The following NISCH variants were observed in gnomAD, a reference collection of about 807,000 sequenced individuals.
NISCH encodes I-1 receptor candidate protein.
In NISCH, 55 loss-of-function variants were observed where a neutral mutation model predicts 138.4. The observed-to-expected ratio is 0.40, with a 90% confidence interval of 0.32 to 0.50. The LOEUF (loss-of-function observed/expected upper bound fraction) is 0.50. Ranked by LOEUF, NISCH falls within the 20% of genes least tolerant of loss-of-function variation. The pLI is 0.71. For synonymous variants in NISCH, 860 were observed against 861.5 expected (o/e 1.00, Z 0.03); for missense variants, 1,643 against 2,005.5 (o/e 0.82, Z 3.45).
chr3:52,486,250 G>A (rs753691475), intron 15 of NISCH, among the ~76,000 whole-genome samples: 55 of 151,734 alleles, frequency 3.6e-4, no homozygotes, highest in Admixed American at 1.2e-3. Flanking sequence ...TGAGTAGCCC[G>A]GACCACAGGC....
chr3:52,460,346 T>C (rs1706598595), intron 3 of NISCH, among the ~76,000 whole-genome samples: 1 of 151,694 alleles, frequency 6.6e-6, no homozygotes, highest in South Asian at 2.1e-4. Flanking sequence ...CAGCAGACAC[T>C]GTCTCAAAAA....
In NISCH at chr3:52,491,947, A is replaced by G. The variant is rs768036607; in HGVS notation, c.3980A>G (p.Asp1327Gly). ...FTYPSEEEIGDLTFTVAQKMA... is the reference protein window; with the variant it reads ...FTYPSEEEIGGLTFTVAQKMA... ...TACCCCAGTGAGGAGGAGATTGGGG[A>G]CCTGACGTTCACTGTGGCCCAAAAG... Residue 1327 changes from aspartate (D) to glycine (G), a missense_variant, in exon 21 of 21, where the codon GAC becomes GGC. Physicochemically the swap from Asp to Gly is moderately conservative, Grantham distance 94. Transcript: ENST00000345716. 1.9e-6 allele frequency: 3 copies of G among 1,613,544 alleles called. No individual in the cohort carries two copies. The Admixed American group carries it at 5.0e-5, about 27-fold the overall frequency.
chr3:52,482,514 C>T (rs949890897), intron 13 of NISCH, among the ~76,000 whole-genome samples: 1 of 152,222 alleles, frequency 6.6e-6, no homozygotes, highest in South Asian at 2.1e-4. Flanking sequence ...GCTGTGGGAC[C>T]TCAAGCAACT....
Position 52,487,489 on chromosome 3 carries a change from A to G in NISCH, c.1997A>G (p.Glu666Gly). The change falls in exon 16 of 21, where the codon GAG (glutamate) becomes GGG (glycine). Residue 666 changes from glutamate to glycine, a missense_variant. By Grantham distance (98) the Glu-to-Gly change is moderately conservative. Coordinates refer to ENST00000345716, the MANE Select transcript of NISCH (RefSeq NM_007184.4). This position sits in a 1 kb window ranked among gnomAD's most constrained non-coding sequence, Gnocchi z 9.1. The stretch of plus-strand genomic sequence containing the variant: ...GGGCCCCCAGACGTGGAGGAGGAGG[A>G]GGGAGGAGGCCAGGGGGAGGAAGAG... ...EMGPPDVEEE[E>G]GGGQGEEEEE... The G allele has an allele frequency of 6.3e-7, 1 of 1,597,286 alleles. No homozygotes were observed. Among genetic ancestry groups the G allele is most frequent in the Non-Finnish European group, 8.6e-7 (1 of 1,168,442 alleles).
chr3:52,463,937 G>T (rs1706707814), intron 3 of NISCH, among the ~76,000 whole-genome samples: 1 of 150,646 alleles, frequency 6.6e-6, no homozygotes, highest in Admixed American at 6.6e-5. Context: ...ATGTCGGCCA[G>T]GATGGTCTCG....
At chr3:52,469,436 A>C (rs570654402) in intron 3 of NISCH, among the ~76,000 whole-genome samples, 1 of 152,264 alleles carries the variant, frequency 6.6e-6, no homozygotes, top group African/African-American at 2.4e-5. Flanking sequence ...GCGCTTGTCC[A>C]CCTCAGGTTG....
chr3:52,479,925 G>A (rs920294717), intron 12 of NISCH, 63 bp downstream of exon 12: 8 of 1,291,014 alleles, frequency 6.2e-6, no homozygotes, highest in African/African-American at 2.9e-5. Flanking sequence ...GAGCCAGTTT[G>A]GGGGGCTTGG....
At position 52,480,216 on chromosome 3, in the gene NISCH, C is replaced by T; in HGVS notation, c.1449C>T (p.Pro483=). The T allele has an allele frequency of 1.2e-6, 2 of 1,613,978 alleles. No homozygotes were observed. The highest frequency in any genetic ancestry group is 1.3e-5 in the African/African-American group (1 of 75,044). The change falls in exon 13 of 21, where the codon CCC becomes CCT. Residue 483 remains proline, a synonymous_variant. Transcript: ENST00000345716. ...GGEDSRLSAA[P]CIRPSSSPPT... The stretch of plus-strand genomic sequence containing the variant: ...AAGACTCCCGGCTCTCAGCTGCCCC[C>T]TGCATCAGACCCAGCAGCTCCCCTC...
At position 52,487,098 on chromosome 3, in the gene NISCH, C is replaced by T; in HGVS notation, c.1704-98C>T. The T allele has an allele frequency of 1.4e-6, 2 of 1,423,686 alleles. No individual in the cohort carries two copies. The highest frequency in any genetic ancestry group is 1.9e-6 in the Non-Finnish European group (2 of 1,056,726). The allele number at this position is 1,423,686 out of a possible 1,614,324, so 88.2% of individuals were successfully genotyped here. On this transcript the variant is annotated intron_variant, in intron 15 of 20. Transcript: ENST00000345716. The surrounding 1 kb of genome is among the most constrained non-coding windows in gnomAD (Gnocchi z 9.1). ...GCTTGGGAGACCCATGGGTTGGTTT[C>T]TCAGGGTCAGGGTGTAGCAGTGGGC...
At chr3:52,481,784 T>C in intron 13 of NISCH, 1 of 985,492 alleles carries the variant, frequency 1.0e-6, no homozygotes, top group Non-Finnish European at 1.2e-6. Context: ...CTCAGCCCCC[T>C]CCTCACTCCC....
chr3:52,459,178 T>G (rs1321548826), intron 3 of NISCH, among the ~76,000 whole-genome samples: 3 of 152,206 alleles, frequency 2.0e-5, no homozygotes, highest in Non-Finnish European at 2.9e-5. Flanking sequence ...GATAGACTAT[T>G]GTTGAGTTGT....
rs1707094794 is a variant in NISCH, at chr3:52,476,279, T to C, written c.766-168T>C. Reference sequence around the variant, plus strand: ...TGGTAAATTGTTCAGCTTTGAACGATTTCACAATCGTTTAAAGACATAGGA... The same window carrying C: ...TGGTAAATTGTTCAGCTTTGAACGACTTCACAATCGTTTAAAGACATAGGA... On this transcript the variant is annotated intron_variant, in intron 7 of 20. Transcript: ENST00000345716. The C allele has an allele frequency of 2.7e-5, 19 of 703,934 alleles. No individual in the cohort carries two copies. The South Asian group carries it at 3.0e-4, about 11-fold the overall frequency. 43.6% of individuals were successfully genotyped at this position (703,934 alleles called of 1,614,324 possible). A position where few individuals can be genotyped will look rare whatever the true frequency, so the allele number is the denominator to read the frequency against.
rs985304545 is a variant in NISCH, at chr3:52,471,369, C to T, written c.410-445C>T. 1.9e-4 allele frequency: 53 copies of T among 277,190 alleles called. 1 individual carries two copies. The highest frequency in any genetic ancestry group is 9.5e-4 in the African/African-American group (43 of 45,372). 17.2% of individuals were successfully genotyped at this position (277,190 alleles called of 1,614,324 possible). A position where few individuals can be genotyped will look rare whatever the true frequency, so the allele number is the denominator to read the frequency against. On this transcript the variant is annotated intron_variant, in intron 4 of 20. Transcript: ENST00000345716. ...GGGCACATGGCTGGGAGGAGTGGAG[C>T]GAGGACCAAGCAGCAGTCAGTTGGG...
chr3:52,474,442 G>A (rs1435023226), intron 7 of NISCH, among the ~76,000 whole-genome samples: 1 of 151,980 alleles, frequency 6.6e-6, no homozygotes, highest in African/African-American at 2.4e-5. Flanking sequence ...GACTACAGGT[G>A]CCCGCCACCA....
At chr3:52,476,690 C>T (rs767612256) in intron 8 of NISCH, 91 bp downstream of exon 8, 13 of 1,298,320 alleles carry the variant, frequency 1.0e-5, no homozygotes, top group South Asian at 3.7e-5. Flanking sequence ...GGAAGGACCA[C>T]GGAAAACCTA....
chr3:52,457,890 G>C lies in NISCH; in HGVS notation c.141G>C (p.Lys47Asn). Residue 47 changes from lysine to asparagine, a missense_variant, in exon 2 of 21, where the codon AAG becomes AAC. By Grantham distance (94) the Lys-to-Asn change is moderately conservative. Transcript: ENST00000345716. ...VTDGSHEWTVKHRYSDFHDLH... is the reference protein window; with the variant it reads ...VTDGSHEWTVNHRYSDFHDLH... ...ATGGCAGCCATGAGTGGACAGTAAA[G>C]CACCGCTACAGCGACTTCCATGACC... 1 of 1,612,210 alleles carries C rather than the reference G, an allele frequency of 6.2e-7. No homozygotes were observed. The highest frequency in any genetic ancestry group is 8.5e-7 in the Non-Finnish European group (1 of 1,178,376).
At chr3:52,478,427 G>T (rs758856268) in intron 10 of NISCH, 22 bp from the exon 11 acceptor site, 1 of 1,614,152 alleles carries the variant, frequency 6.2e-7, no homozygotes, top group Middle Eastern at 1.6e-4. Context: ...GGACCAAAGG[G>T]GATGGAACTC....
At chr3:52,468,448 A>G (rs1378612109) in intron 3 of NISCH, among the ~76,000 whole-genome samples, 1 of 152,070 alleles carries the variant, frequency 6.6e-6, no homozygotes, top group East Asian at 1.9e-4. Flanking sequence ...AGCAGGGAGG[A>G]TTGCGAAGTA....
In NISCH at chr3:52,491,915, G is replaced by A; in HGVS notation, c.3948G>A (p.Lys1316=). Residue 1316 remains lysine (K), a synonymous_variant, in exon 21 of 21, where the codon AAG becomes AAA. Coordinates refer to ENST00000345716, the MANE Select transcript of NISCH (RefSeq NM_007184.4). ...NYELIHSSRV[K]FTYPSEEEIG... ...AGCTGATCCACTCTAGTCGCGTCAA[G>A]TTTACCTACCCCAGTGAGGAGGAGA... 5 of 1,612,380 alleles carry A rather than the reference G, an allele frequency of 3.1e-6. No homozygotes were observed. Among genetic ancestry groups the A allele is most frequent in the Non-Finnish European group, 4.2e-6 (5 of 1,179,224 alleles).
Sources: gnomAD v4.1 joint callset for allele counts (sites outside exome capture counted in the v4.1 genomes callset) on GRCh38, gnomAD v4.1.1 for gene constraint, Gnocchi (gnomAD v3.1) non-coding constraint, MANE v1.5 for transcripts, NCBI Gene and HGNC (gene_info 2026-07-23, HGNC 2026-07-21) for gene names.